Variants in SLIT3 observed in about 807,000 individuals in gnomAD.
The protein encoded by SLIT3 is slit guidance ligand 3.
Under a neutral mutation model 184.0 loss-of-function variants are expected in SLIT3, and 68 were observed. The ratio of observed to expected loss-of-function variants is 0.37; its 90% CI spans 0.30 to 0.45. The LOEUF is 0.45. Ranked by LOEUF, SLIT3 falls within the 20% of genes least tolerant of loss-of-function variation. SLIT3 has a pLI of 1.00. For synonymous variants in SLIT3, 831 were observed against 828.6 expected, an observed-to-expected ratio of 1.00 and a Z score of -0.05; for missense variants, 1,707 against 2,026.0, an observed-to-expected ratio of 0.84 and a Z score of 3.02.
intron 4 of SLIT3, among the ~76,000 whole-genome samples, chr5:169,032,186 A>T (rs1757051855): frequency 6.6e-6 from 1 of 152,190 alleles, no homozygotes; most frequent in South Asian, 2.1e-4. Context: ...GGAAGGTACT[A>T]TGAAAATACA....
rs536757254 is a variant in SLIT3 at position 168,732,871 on chromosome 5, G to C, written c.2271-8387C>G. Among the ~76,000 whole-genome samples the C allele has an allele frequency of 3.7e-4, 56 of 152,182 alleles. 1 individual carries two copies. In the South Asian group the frequency reaches 0.012, roughly 32 times the overall value. On this transcript the variant is annotated intron_variant, in intron 20 of 35. Transcript: ENST00000519560. ...ACATGCAAATATAAAAATCCTAGAA[G>C]AAAACCTAGGAAAAACTCTTTTGGA...
At chr5:168,896,108 A>C (rs979937502) in intron 4 of SLIT3, among the ~76,000 whole-genome samples, 3 of 152,162 alleles carry the variant, frequency 2.0e-5, no homozygotes, top group African/African-American at 7.2e-5. Context: ...CCCAAGCCAT[A>C]CTTTTCTTGG....
intron 9 of SLIT3, among the ~76,000 whole-genome samples, chr5:168,802,488 C>T (rs1213505834): frequency 2.0e-5 from 3 of 152,202 alleles, no homozygotes; most frequent in Non-Finnish European, 2.9e-5. Context: ...CAAGAAAAGT[C>T]CTCGGCAATC....
chr5:168,760,394 C>T (rs944316026), intron 16 of SLIT3, among the ~76,000 whole-genome samples: 1 of 152,232 alleles, frequency 6.6e-6, no homozygotes, highest in Non-Finnish European at 1.5e-5. Flanking sequence ...AGGAAACCCA[C>T]TGTGGGAAGC....
At chr5:169,056,152 C>G (rs1265052681) in intron 4 of SLIT3, among the ~76,000 whole-genome samples, 1 of 151,896 alleles carries the variant, frequency 6.6e-6, no homozygotes, top group Non-Finnish European at 1.5e-5. Context: ...ATAAAATCTT[C>G]TCCTCTCAGG....
Position 168,722,346 on chromosome 5 carries a change from G to A in SLIT3, c.2412-19C>T, listed in dbSNP as rs562523325. ...CAGGATCCTGTGGAAAAGGAGGCAT[G>A]TGCCCTGTTGTGTCTTTCTATTCTC... On this transcript the variant is annotated intron_variant, in intron 22 of 35. Transcript: ENST00000519560. The A allele has an allele frequency of 1.6e-5, 26 of 1,611,356 alleles. No homozygotes were observed. The South Asian group carries it at 2.3e-4, about 14-fold the overall frequency.
chr5:169,084,802 G>A (rs1359338528), intron 4 of SLIT3, among the ~76,000 whole-genome samples: 1 of 152,124 alleles, frequency 6.6e-6, no homozygotes, highest in African/African-American at 2.4e-5. Flanking sequence ...CCTGCTGAGG[G>A]GGCCCAGAGG....
intron 12 of SLIT3, among the ~76,000 whole-genome samples, chr5:168,779,253 C>T (rs1183701285): frequency 6.6e-6 from 1 of 152,208 alleles, no homozygotes; most frequent in Non-Finnish European, 1.5e-5. Flanking sequence ...CGTCATGCTG[C>T]TGTGAGAGCC....
At chr5:169,205,564 CTTG>C (rs982688508) in intron 3 of SLIT3, among the ~76,000 whole-genome samples, 1 of 152,162 alleles carries the variant, frequency 6.6e-6, no homozygotes, top group African/African-American at 2.4e-5. Flanking sequence ...TCAATAAATA[CTTG>C]TTGGTTAGTT....
chr5:168,734,885 T>C (rs1183177851), intron 20 of SLIT3, among the ~76,000 whole-genome samples: 1 of 152,176 alleles, frequency 6.6e-6, no homozygotes, highest in East Asian at 1.9e-4. Flanking sequence ...TTTGGCATGA[T>C]GGAGCCAAGC....
intron 1 of SLIT3, among the ~76,000 whole-genome samples, chr5:169,276,655 T>C (rs986324349): frequency 1.3e-5 from 2 of 152,258 alleles, no homozygotes; most frequent in African/African-American, 4.8e-5. Flanking sequence ...ATCATCTTTG[T>C]GTTCCACAGT....
chr5:169,164,023 T>TA (rs1762557497), intron 4 of SLIT3, among the ~76,000 whole-genome samples: 2 of 152,156 alleles, frequency 1.3e-5, no homozygotes, highest in African/African-American at 4.8e-5. Flanking sequence ...CCCAGTGAGC[T>TA]ATGACAGACT....
At chr5:168,792,430 C>T (rs72827651) in intron 10 of SLIT3, 17,192 of 152,174 alleles carry the variant, frequency 0.11, 1,043 homozygotes, top group Middle Eastern at 0.15. Flanking sequence ...GTCCCTAGGT[C>T]ATATACTTCA....
rs764294151 is a variant in SLIT3 at position 168,827,243 on chromosome 5, G to C, written c.558-3912C>G. Among the ~76,000 whole-genome samples the C allele has an allele frequency of 3.2e-4, 49 of 152,258 alleles. 1 individual carries two copies. The highest frequency in any genetic ancestry group is 6.3e-4 in the Non-Finnish European group (43 of 68,024). The stretch of plus-strand genomic sequence containing the variant: ...TGTAACAGATTACCATGGATTTGGT[G>C]GCTCAAGGCACCACACATTTATTCT... On this transcript the variant is annotated intron_variant, in intron 6 of 35. Transcript: ENST00000519560.
rs755604965 is a variant in SLIT3, at chr5:168,723,042, T to C, written c.2340-38A>G. The C allele has an allele frequency of 9.3e-6, 14 of 1,510,968 alleles. 1 individual carries two copies. The Admixed American group carries it at 2.2e-4, about 23-fold the overall frequency. 93.6% of individuals were successfully genotyped at this position (1,510,968 alleles called of 1,614,324 possible). Reference sequence around the variant, plus strand: ...AAACAGAGGGGTCATGCTTTTGTCTTAGTTGCATCTGTAGGAGGCCATTCC... The same window carrying C: ...AAACAGAGGGGTCATGCTTTTGTCTCAGTTGCATCTGTAGGAGGCCATTCC... On this transcript the variant is annotated intron_variant, in intron 21 of 35. Coordinates refer to ENST00000519560, the MANE Select transcript of SLIT3 (RefSeq NM_003062.4).
chr5:168,718,855 G>A (rs1208690648), intron 23 of SLIT3, among the ~76,000 whole-genome samples: 9 of 151,882 alleles, frequency 5.9e-5, no homozygotes, highest in African/African-American at 1.2e-4. Context: ...TCTTGCTGCC[G>A]CAAACACCCA....
At chr5:169,235,200 C>G (rs1478177517) in intron 3 of SLIT3, among the ~76,000 whole-genome samples, 1 of 152,086 alleles carries the variant, frequency 6.6e-6, no homozygotes, top group Admixed American at 6.5e-5. Flanking sequence ...TCTCTTAAAT[C>G]CCTTTATCTC....
At chr5:168,935,220 G>A (rs562958165) in intron 4 of SLIT3, among the ~76,000 whole-genome samples, 49 of 151,604 alleles carry the variant, frequency 3.2e-4, no homozygotes, top group Non-Finnish European at 5.6e-4. Context: ...TTTTTCAGAT[G>A]AGAAGTTGAG....
chr5:168,963,038 TCTTA>T (rs1360498135), intron 4 of SLIT3, among the ~76,000 whole-genome samples: 2 of 152,236 alleles, frequency 1.3e-5, no homozygotes, highest in African/African-American at 4.8e-5. Flanking sequence ...ACATTTAGTT[TCTTA>T]CTTACTTTTG....
Sources: gnomAD v4.1 joint callset for allele counts (sites outside exome capture counted in the v4.1 genomes callset) on GRCh38, gnomAD v4.1.1 for gene constraint, MANE v1.5 for transcripts, NCBI Gene and HGNC (gene_info 2026-07-23, HGNC 2026-07-21) for gene names.